RAP1GAP2: variants seen among roughly 807,000 people sequenced by gnomAD.
RAP1GAP2 encodes the protein RAP1 GTPase activating protein 2.
A neutral mutation model predicts 95.0 loss-of-function variants in RAP1GAP2; 27 were observed. The observed-to-expected ratio is 0.28, with a 90% confidence interval of 0.21 to 0.39. RAP1GAP2 has a LOEUF of 0.39. RAP1GAP2 is among the 10% of genes least tolerant of loss of function. RAP1GAP2 has a pLI of 1.00. For synonymous variants in RAP1GAP2, 373 were observed against 380.9 expected (o/e 0.98, Z 0.24); for missense variants, 771 against 970.0 (o/e 0.79, Z 2.72).
chr17:2,984,328 A>G (rs1231305032), intron 10 of RAP1GAP2, among the ~76,000 whole-genome samples: 1 of 152,204 alleles, frequency 6.6e-6, no homozygotes, highest in Admixed American at 6.5e-5. Context: ...AGCCTGGGTG[A>G]CAGAGCGAGA....
rs2046265259 is a variant in RAP1GAP2 at position 3,004,291 on chromosome 17, A to G, written c.1201-1078A>G. 6.6e-6 allele frequency among the ~76,000 whole-genome samples: 1 copy of G among 152,178 alleles called. No homozygotes were observed. The highest frequency in any genetic ancestry group is 6.5e-5 in the Admixed American group (1 of 15,278). ...CAGACAGCCTGGAGCTTGAGAAGAG[A>G]AAGCCCGTATTGACCAGCTCTCTCC... is the stretch of plus-strand genomic sequence containing the variant. On this transcript the variant is annotated intron_variant, in intron 14 of 24. Transcript: ENST00000254695. This position sits in a 1 kb window ranked among gnomAD's most constrained non-coding sequence, Gnocchi z 4.1.
At chr17:2,964,866 G>A (rs1157333216) in intron 7 of RAP1GAP2, 9 of 152,632 alleles carry the variant, frequency 5.9e-5, no homozygotes, top group South Asian at 2.1e-4. Context: ...GGCAGATTCC[G>A]GAAATCTGTA....
At chr17:2,918,363 G>A (rs1303652962) in intron 3 of RAP1GAP2, among the ~76,000 whole-genome samples, 1 of 150,944 alleles carries the variant, frequency 6.6e-6, no homozygotes, top group Non-Finnish European at 1.5e-5. Flanking sequence ...AACCTGGGAG[G>A]TGGAGGTTGC....
At chr17:2,908,953 G>A (rs756723091) in intron 3 of RAP1GAP2, among the ~76,000 whole-genome samples, 7 of 152,078 alleles carry the variant, frequency 4.6e-5, no homozygotes, top group Non-Finnish European at 7.4e-5. Flanking sequence ...CCATCCTTCC[G>A]CCTTGACCTC....
intron 12 of RAP1GAP2, among the ~76,000 whole-genome samples, chr17:2,993,200 C>G (rs1047399786): frequency 1.5e-5 from 2 of 134,106 alleles, no homozygotes; most frequent in African/African-American, 5.6e-5. Context: ...TCAGCCTGGT[C>G]AATAGAGGGA....
intron 2 of RAP1GAP2, among the ~76,000 whole-genome samples, chr17:2,885,242 C>G (rs2073451373): frequency 6.6e-6 from 1 of 152,070 alleles, no homozygotes; most frequent in African/African-American, 2.4e-5. Flanking sequence ...CCATGTTGGC[C>G]AGGCTGGTCT....
intron 2 of RAP1GAP2, among the ~76,000 whole-genome samples, chr17:2,858,643 C>T (rs2072245576): frequency 6.6e-6 from 1 of 152,046 alleles, no homozygotes; most frequent in African/African-American, 2.4e-5. Context: ...CACGGTGGCT[C>T]ACGCCTGTAA....
chr17:3,005,316 G>C lies in RAP1GAP2; in HGVS notation c.1201-53G>C. The C allele has an allele frequency of 6.5e-7, 1 of 1,539,562 alleles. No individual in the cohort carries two copies. The highest frequency in any genetic ancestry group is 2.2e-5 in the East Asian group (1 of 44,486). Reference sequence around the variant, plus strand: ...TTGTAAGGAGCGTGGCTCCCGTAGGGGCAGCGCTCGTCTCTTCCCTCCAGG... The same window carrying C: ...TTGTAAGGAGCGTGGCTCCCGTAGGCGCAGCGCTCGTCTCTTCCCTCCAGG... On this transcript the variant is annotated intron_variant, in intron 14 of 24. Coordinates refer to ENST00000254695, the MANE Select transcript of RAP1GAP2 (RefSeq NM_015085.5). This position sits in a 1 kb window ranked among gnomAD's most constrained non-coding sequence, Gnocchi z 5.2.
intron 3 of RAP1GAP2, among the ~76,000 whole-genome samples, chr17:2,930,166 C>CG (rs2043095855): frequency 6.6e-6 from 1 of 152,258 alleles, no homozygotes; most frequent in Non-Finnish European, 1.5e-5. Context: ...CCTCATCCAT[C>CG]GCTGGCTGGG....
At chr17:2,936,638 G>T (rs2043319902) in intron 3 of RAP1GAP2, among the ~76,000 whole-genome samples, 2 of 152,094 alleles carry the variant, frequency 1.3e-5, no homozygotes, top group South Asian at 4.1e-4. Context: ...AGGGTCAAAT[G>T]GGAGGTGGTA....
At chr17:2,880,541 A>C (rs2073246773) in intron 2 of RAP1GAP2, among the ~76,000 whole-genome samples, 1 of 151,586 alleles carries the variant, frequency 6.6e-6, no homozygotes, top group African/African-American at 2.4e-5. Flanking sequence ...CGTGGCATCA[A>C]GTCCTGTTCA....
chr17:2,832,390 C>G (rs2070912359), intron 2 of RAP1GAP2, among the ~76,000 whole-genome samples: 1 of 150,496 alleles, frequency 6.6e-6, no homozygotes, highest in South Asian at 2.1e-4. Flanking sequence ...AACCCCATCT[C>G]TACTAAAAAT....
rs547173266 is a variant in RAP1GAP2 at position 2,870,839 on chromosome 17, T to C, written c.81-34445T>C. Among the ~76,000 whole-genome samples, 5 of 152,364 alleles carry C rather than the reference T, an allele frequency of 3.3e-5. No individual in the cohort carries two copies. The highest frequency in any genetic ancestry group is 1.2e-4 in the African/African-American group (5 of 41,598). On this transcript the variant is annotated intron_variant, in intron 2 of 24. Transcript: ENST00000254695. This position sits in a 1 kb window ranked among gnomAD's most constrained non-coding sequence, Gnocchi z 4.4. ...TCCAGGGGCATTGGCAGAACTCCTC[T>C]CTGTCTCGTCACTGTGTCTCTTTGT...
intron 3 of RAP1GAP2, among the ~76,000 whole-genome samples, chr17:2,952,771 C>T (rs939471127): frequency 5.9e-5 from 9 of 151,754 alleles, no homozygotes; most frequent in African/African-American, 2.2e-4. Context: ...TTATGTGTGT[C>T]CTTTAATCAT....
At chr17:2,790,823 T>C (rs1347622847) in intron 1 of RAP1GAP2, among the ~76,000 whole-genome samples, 1 of 152,182 alleles carries the variant, frequency 6.6e-6, no homozygotes, top group Non-Finnish European at 1.5e-5. Flanking sequence ...GGGGACACAG[T>C]GGAGGGGCTG....
At chr17:2,808,914 A>G (rs2069636357) in intron 2 of RAP1GAP2, among the ~76,000 whole-genome samples, 1 of 152,002 alleles carries the variant, frequency 6.6e-6, no homozygotes, top group Non-Finnish European at 1.5e-5. Context: ...TTTTGGCTTT[A>G]GCGAGTTCCT....
intron 3 of RAP1GAP2, among the ~76,000 whole-genome samples, chr17:2,927,255 G>A (rs1264045841): frequency 1.3e-5 from 2 of 151,744 alleles, no homozygotes; most frequent in Non-Finnish European, 2.9e-5. Context: ...CCGGGTTCAG[G>A]CCGTTCTCCT....
intron 2 of RAP1GAP2, among the ~76,000 whole-genome samples, chr17:2,873,052 G>A (rs2072913990): frequency 6.6e-6 from 1 of 151,136 alleles, no homozygotes; most frequent in African/African-American, 2.4e-5. Context: ...GCAGTGAGCT[G>A]AGATTGCGCC....
intron 1 of RAP1GAP2, among the ~76,000 whole-genome samples, chr17:2,789,345 G>C (rs922013621): frequency 6.6e-6 from 1 of 152,076 alleles, no homozygotes; most frequent in Admixed American, 6.6e-5. Context: ...ACCGTGGCCG[G>C]CATTATCAAA....
Sources: allele counts gnomAD v4.1 joint callset (sites outside exome capture counted in the v4.1 genomes callset), GRCh38; gene constraint gnomAD v4.1.1; non-coding constraint Gnocchi (gnomAD v3.1); transcripts MANE v1.5; gene names NCBI Gene and HGNC (gene_info 2026-07-23, HGNC 2026-07-21).